DZIP3: variants seen among roughly 807,000 people sequenced by gnomAD.
The protein encoded by DZIP3 is DAZ interacting zinc finger protein 3.
A neutral mutation model predicts 162.0 loss-of-function variants in DZIP3; 118 were observed. That is an observed-to-expected ratio of 0.73 (90% confidence interval 0.63 to 0.85). The LOEUF (loss-of-function observed/expected upper bound fraction) is 0.85. DZIP3 is among the 40% of genes least tolerant of loss of function. DZIP3 has a pLI of 0.00. For missense variants in DZIP3, 1,331 were observed against 1,407.0 expected (o/e 0.95, Z 0.86); for synonymous variants, 438 against 458.6 (o/e 0.96, Z 0.57).
chr3:108,691,002 A>T (rs1944672418), intron 32 of DZIP3, 99 bp downstream of exon 32: 2 of 938,220 alleles, frequency 2.1e-6, no homozygotes, highest in East Asian at 5.3e-5. Flanking sequence ...GTGCTAAAGA[A>T]GCCAGCTAAT....
chr3:108,608,059 C>A, intron 2 of DZIP3, 30 bp from the exon 3 acceptor site: 1 of 1,562,078 alleles, frequency 6.4e-7, no homozygotes, highest in South Asian at 1.1e-5. Context: ...AGAAGATGCT[C>A]TTAATATACC....
intron 4 of DZIP3, among the ~76,000 whole-genome samples, 156 bp downstream of exon 4, chr3:108,611,485 A>G (rs1466606015): frequency 1.3e-5 from 2 of 152,212 alleles, no homozygotes; most frequent in African/African-American, 2.4e-5. Flanking sequence ...CCTTGACTGT[A>G]GACTTCTAAA....
intron 26 of DZIP3, among the ~76,000 whole-genome samples, chr3:108,679,690 G>A (rs958143565): frequency 4.6e-5 from 7 of 152,094 alleles, no homozygotes; most frequent in East Asian, 1.9e-4. Context: ...CTAACTTTGT[G>A]AAGAGCTATG....
At chr3:108,650,528 A>G (rs917863236) in intron 17 of DZIP3, among the ~76,000 whole-genome samples, 5 of 151,718 alleles carry the variant, frequency 3.3e-5, no homozygotes, top group Non-Finnish European at 7.4e-5. Context: ...TAATATGTTA[A>G]ATGCCATTGA....
At position 108,646,404 on chromosome 3, in the gene DZIP3, T is replaced by A. The variant is rs575946875; in HGVS notation, c.1760-213T>A. Among the ~76,000 whole-genome samples, 16 of 152,234 alleles carry A rather than the reference T, an allele frequency of 1.1e-4. 1 individual carries two copies. Among genetic ancestry groups the A allele is most frequent in the Admixed American group, 6.5e-4 (10 of 15,292 alleles). On this transcript the variant is annotated intron_variant, in intron 14 of 32. Coordinates refer to ENST00000361582, the MANE Select transcript of DZIP3 (RefSeq NM_014648.4). Reference sequence around the variant, plus strand: ...TCTGTGATACCACATTTTTGTTTACTTTTTTTTCTCTAATCATGGGTTTAT... The same window carrying A: ...TCTGTGATACCACATTTTTGTTTACATTTTTTTCTCTAATCATGGGTTTAT...
intron 26 of DZIP3, among the ~76,000 whole-genome samples, chr3:108,680,353 C>T (rs893813948): frequency 1.3e-5 from 2 of 152,092 alleles, no homozygotes; most frequent in African/African-American, 4.8e-5. Flanking sequence ...GGGAGTCAGA[C>T]TGTCCCTTTT....
At chr3:108,602,583 A>G (rs1483996871) in intron 1 of DZIP3, among the ~76,000 whole-genome samples, 3 of 152,330 alleles carry the variant, frequency 2.0e-5, no homozygotes, top group Admixed American at 2.0e-4. Context: ...GCCGACAGGG[A>G]AAGTCTATTG....
intron 5 of DZIP3, among the ~76,000 whole-genome samples, chr3:108,619,702 T>G (rs1941225574): frequency 1.3e-5 from 2 of 152,096 alleles, no homozygotes; most frequent in Non-Finnish European, 2.9e-5. Context: ...TTATACCCAG[T>G]CTACCATTTC....
rs1944012427 is a variant in DZIP3, at chr3:108,673,994, A to C, written c.2590-84A>C. On this transcript the variant is annotated intron_variant, in intron 23 of 32. Coordinates refer to ENST00000361582, the MANE Select transcript of DZIP3 (RefSeq NM_014648.4). ...TTGGAAGAAATTGAGAAATAGCTTT[A>C]AATTTACTTGAGATGATTGAGAAGA... 3 of 1,070,610 alleles carry C rather than the reference A, an allele frequency of 2.8e-6. No homozygotes were observed. The African/African-American group carries it at 4.7e-5, about 17-fold the overall frequency. The allele number at this position is 1,070,610 out of a possible 1,614,324, so 66.3% of individuals were successfully genotyped here.
chr3:108,605,524 A>G (rs1940299973), intron 2 of DZIP3, 86 bp downstream of exon 2: 1 of 1,415,930 alleles, frequency 7.1e-7, no homozygotes, highest in Non-Finnish European at 9.9e-7. Context: ...GGTGCGGGGA[A>G]TGGTTTTGGG....
intron 7 of DZIP3, among the ~76,000 whole-genome samples, chr3:108,626,326 C>G (rs376353789): frequency 2.0e-5 from 3 of 152,028 alleles, no homozygotes; most frequent in African/African-American, 4.8e-5. Flanking sequence ...GTGTAGGGTT[C>G]ACTTCATGAG....
chr3:108,678,731 C>G (rs1226142113), intron 26 of DZIP3, among the ~76,000 whole-genome samples: 1 of 151,986 alleles, frequency 6.6e-6, no homozygotes, highest in Non-Finnish European at 1.5e-5. Flanking sequence ...CTTAAGAGAT[C>G]TGGCAGTAGG....
chr3:108,686,417 C>T, intron 27 of DZIP3, 28 bp from the exon 28 acceptor site: 2 of 1,512,228 alleles, frequency 1.3e-6, no homozygotes, highest in Non-Finnish European at 1.8e-6. Context: ...ATTAAACCTG[C>T]TGGGCTATAG....
rs759631258 is a variant in DZIP3 at position 108,608,138 on chromosome 3, G to A, written c.82G>A (p.Glu28Lys). 4 of 1,612,848 alleles carry A rather than the reference G, an allele frequency of 2.5e-6. No individual in the cohort carries two copies. The highest frequency in any genetic ancestry group is 2.2e-5 in the South Asian group (2 of 91,014). The change falls in exon 3 of 33, where the codon GAA becomes AAA. Residue 28 changes from glutamate (E) to lysine (K), a missense_variant. Around this residue, in one of 2 missense-constraint regions of DZIP3, gnomAD observed 1,278 missense variants for 1,317.1 expected, o/e 0.97. Transcript: ENST00000361582. The part of the protein sequence containing the change: ...QRKEETENKL[E>K]KSSGQLNKQE... ...GAAGGAAGAAACTGAGAATAAGCTA[G>A]AAAAATCATCTGGTCAACTGGTAAG...
chr3:108,631,049 A>ACTCTCTCTCTCTCT (rs1454927812), intron 8 of DZIP3, among the ~76,000 whole-genome samples: 36 of 55,566 alleles, frequency 6.5e-4, no homozygotes, highest in Non-Finnish European at 7.6e-4. Context: ...ACACACACAC[A>ACTCTCTCTCTCTCT]CACACACTCT....
intron 8 of DZIP3, among the ~76,000 whole-genome samples, chr3:108,629,806 A>AAT (rs891922503): frequency 2.3e-4 from 34 of 150,624 alleles, no homozygotes; most frequent in Admixed American, 5.3e-4. Flanking sequence ...GATTTGGCAT[A>AAT]ATATATATAT....
chr3:108,673,311 A>T (rs1308321878), intron 23 of DZIP3, among the ~76,000 whole-genome samples: 1 of 151,984 alleles, frequency 6.6e-6, no homozygotes, highest in African/African-American at 2.4e-5. Context: ...AGCAACCAAG[A>T]AGTAGTATCT....
chr3:108,642,630 C>G (rs1942453223), intron 13 of DZIP3, 116 bp downstream of exon 13: 1 of 1,180,564 alleles, frequency 8.5e-7, no homozygotes, highest in Admixed American at 3.4e-5. Context: ...ATTCACTGAG[C>G]TTGGGTTTAT....
chr3:108,663,137 A>G (rs975380343), intron 21 of DZIP3, among the ~76,000 whole-genome samples: 5 of 152,238 alleles, frequency 3.3e-5, no homozygotes, highest in Admixed American at 2.6e-4. Context: ...AGTTCTGACA[A>G]CATAATTTCA....
Sources: allele counts gnomAD v4.1 joint callset (sites outside exome capture counted in the v4.1 genomes callset), GRCh38; gene constraint gnomAD v4.1.1; regional missense constraint gnomAD v4.1.1; transcripts MANE v1.5; gene names NCBI Gene and HGNC (gene_info 2026-07-23, HGNC 2026-07-21).